LRFN2: variants seen among roughly 807,000 people sequenced by gnomAD.
LRFN2 encodes leucine rich repeat and fibronectin type III domain containing 2.
Under a neutral mutation model 37.3 loss-of-function variants are expected in LRFN2, and 18 were observed. The observed-to-expected ratio is 0.48, with a 90% CI of 0.33 to 0.72. The LOEUF is 0.72. Ranked by LOEUF, LRFN2 falls within the 30% of genes least tolerant of loss-of-function variation. LRFN2 has a pLI of 0.02. For synonymous variants in LRFN2, 556 were observed against 466.6 expected (o/e 1.19, Z -2.47); for missense variants, 1,006 against 1,060.7 (o/e 0.95, Z 0.72).
At position 40,469,245 on chromosome 6, in the gene LRFN2, C is replaced by A. The variant is rs529398419; in HGVS notation, c.-18-36114G>T. ...TAGAAGAGGCAAGGAAGGCTTCTCC[C>A]CTACAGCCTTCAGAGGCAGTGTGAC... On this transcript the variant is annotated intron_variant, in intron 1 of 2. Coordinates refer to ENST00000338305, the MANE Select transcript of LRFN2 (RefSeq NM_020737.3). Among the ~76,000 whole-genome samples, 4 of 152,258 alleles carry A rather than the reference C, an allele frequency of 2.6e-5. No individual in the cohort carries two copies. The South Asian group carries it at 8.3e-4, about 32-fold the overall frequency.
chr6:40,421,494 T>C (rs1763227976), intron 2 of LRFN2, among the ~76,000 whole-genome samples: 1 of 152,168 alleles, frequency 6.6e-6, no homozygotes, highest in African/African-American at 2.4e-5. Flanking sequence ...ATGTTCTGAT[T>C]GGCAATTGGC....
At chr6:40,475,504 G>C (rs764651917) in intron 1 of LRFN2, among the ~76,000 whole-genome samples, 5 of 152,120 alleles carry the variant, frequency 3.3e-5, no homozygotes, top group Non-Finnish European at 7.4e-5. Context: ...CTCAAGGGGT[G>C]CACAGACAGC....
rs143449107 is a variant in LRFN2 at position 40,509,899 on chromosome 6, G to T, written c.-18-76768C>A. ...ACTGGGCTGCGTAGGTAGTGGGGGT[G>T]AGTGCATGCATGCCAGTATGCCAGG... is the stretch of plus-strand genomic sequence containing the variant. On this transcript the variant is annotated intron_variant, in intron 1 of 2. Coordinates refer to ENST00000338305, the MANE Select transcript of LRFN2 (RefSeq NM_020737.3). Among the ~76,000 whole-genome samples, 191 of 152,206 alleles carry T rather than the reference G, an allele frequency of 1.3e-3. 2 individuals are homozygous for T. The highest frequency in any genetic ancestry group is 4.1e-3 in the African/African-American group (170 of 41,514).
At chr6:40,473,570 C>T (rs1382815185) in intron 1 of LRFN2, among the ~76,000 whole-genome samples, 1 of 152,162 alleles carries the variant, frequency 6.6e-6, no homozygotes, top group Non-Finnish European at 1.5e-5. Flanking sequence ...CTATTATCAT[C>T]CCTGTTTTGT....
chr6:40,445,160 A>G (rs145955354), intron 1 of LRFN2, among the ~76,000 whole-genome samples: 9 of 152,328 alleles, frequency 5.9e-5, no homozygotes, highest in Non-Finnish European at 8.8e-5. Flanking sequence ...GCTTACAAAC[A>G]TATACCTGGA....
At chr6:40,415,287 G>T (rs1025844153) in intron 2 of LRFN2, among the ~76,000 whole-genome samples, 1 of 152,070 alleles carries the variant, frequency 6.6e-6, no homozygotes, top group Non-Finnish European at 1.5e-5. Context: ...ATGCAATGGT[G>T]CAATCTCATC....
chr6:40,549,555 G>A (rs1766729593), intron 1 of LRFN2, among the ~76,000 whole-genome samples: 1 of 152,202 alleles, frequency 6.6e-6, no homozygotes, highest in South Asian at 2.1e-4. Context: ...AAATGGCTTT[G>A]CTATTGTGAG....
chr6:40,561,365 A>C (rs888230221), intron 1 of LRFN2, among the ~76,000 whole-genome samples: 1 of 152,208 alleles, frequency 6.6e-6, no homozygotes, highest in African/African-American at 2.4e-5. Context: ...GTAGATGGAG[A>C]AACTGAAGTC....
chr6:40,586,145 A>G (rs1257588429), intron 1 of LRFN2, among the ~76,000 whole-genome samples: 4 of 152,154 alleles, frequency 2.6e-5, no homozygotes, highest in Non-Finnish European at 5.9e-5. Flanking sequence ...TGGGAAGACG[A>G]GTAGGACACC....
At chr6:40,514,836 G>A (rs1765815365) in intron 1 of LRFN2, among the ~76,000 whole-genome samples, 1 of 152,188 alleles carries the variant, frequency 6.6e-6, no homozygotes, top group Non-Finnish European at 1.5e-5. Flanking sequence ...GCAGCAGAGT[G>A]GGGAAAATGC....
intron 2 of LRFN2, among the ~76,000 whole-genome samples, chr6:40,414,353 G>C (rs1244124897): frequency 6.6e-6 from 1 of 152,172 alleles, no homozygotes; most frequent in Non-Finnish European, 1.5e-5. Flanking sequence ...ACCTCGGGCA[G>C]GCTTCTTCAC....
chr6:40,582,776 C>T (rs1314551211), intron 1 of LRFN2, among the ~76,000 whole-genome samples: 1 of 150,698 alleles, frequency 6.6e-6, no homozygotes, highest in Non-Finnish European at 1.5e-5. Flanking sequence ...CTAAAACTTG[C>T]TTGGTGATTT....
At chr6:40,557,281 C>T (rs1766908236) in intron 1 of LRFN2, among the ~76,000 whole-genome samples, 1 of 152,178 alleles carries the variant, frequency 6.6e-6, no homozygotes. Flanking sequence ...CGACATCTGA[C>T]CAGCAGAAAT....
At chr6:40,487,133 G>C (rs994210209) in intron 1 of LRFN2, among the ~76,000 whole-genome samples, 1 of 152,100 alleles carries the variant, frequency 6.6e-6, no homozygotes, top group African/African-American at 2.4e-5. Flanking sequence ...GACCACCAGG[G>C]GCCAGCCATG....
intron 1 of LRFN2, among the ~76,000 whole-genome samples, chr6:40,475,132 G>A (rs998081761): frequency 6.6e-6 from 1 of 152,198 alleles, no homozygotes; most frequent in African/African-American, 2.4e-5. Context: ...CTCTGAGATG[G>A]GGCAGAGGAC....
In LRFN2 at chr6:40,431,957, G is replaced by A; in HGVS notation, c.1157C>T (p.Thr386Ile). The A allele has an allele frequency of 6.2e-7, 1 of 1,613,660 alleles. No homozygotes were observed. The highest frequency in any genetic ancestry group is 1.1e-5 in the South Asian group (1 of 91,074). The change falls in exon 2 of 3, where the codon ACC becomes ATC. Residue 386 changes from threonine to isoleucine, a missense_variant. Around this residue, in one of 4 missense-constraint regions of LRFN2, gnomAD observed 303 missense variants for 299.8 expected, o/e 1.01. Transcript: ENST00000338305. ...GGACTTGGGGGGTGCAGTGCGGCTGGTGCTGTTGCTGAGGTGTGGCAGCTG... is the reference window on the plus strand; with the variant it reads ...GGACTTGGGGGGTGCAGTGCGGCTGATGCTGTTGCTGAGGTGTGGCAGCTG... Reference protein sequence around the residue: ...IVQLPHLSNSTSRTAPPKSRL... With the variant: ...IVQLPHLSNSISRTAPPKSRL...
intron 1 of LRFN2, among the ~76,000 whole-genome samples, chr6:40,453,558 C>A (rs1764167549): frequency 6.7e-6 from 1 of 148,512 alleles, no homozygotes; most frequent in Non-Finnish European, 1.5e-5. Flanking sequence ...ACACACACCT[C>A]CCTTTGAGTT....
chr6:40,410,161 G>T (rs1762934834), intron 2 of LRFN2, among the ~76,000 whole-genome samples: 1 of 152,142 alleles, frequency 6.6e-6, no homozygotes. Flanking sequence ...GAGGGAGGGT[G>T]GGGGAGCAGA....
intron 1 of LRFN2, among the ~76,000 whole-genome samples, chr6:40,438,358 G>C (rs1422788264): frequency 1.3e-5 from 2 of 152,138 alleles, no homozygotes; most frequent in African/African-American, 2.4e-5. Context: ...AGGTACCCTT[G>C]TGCAGGCAGA....
Sources: gnomAD v4.1 joint callset for allele counts (sites outside exome capture counted in the v4.1 genomes callset) on GRCh38, gnomAD v4.1.1 for gene constraint, gnomAD v4.1.1 regional missense constraint, MANE v1.5 for transcripts, NCBI Gene and HGNC (gene_info 2026-07-23, HGNC 2026-07-21) for gene names.